C8orf33: variants seen among roughly 807,000 people sequenced by gnomAD.
C8orf33 encodes the protein UPF0488 protein C8orf33.
In C8orf33, 28 loss-of-function variants were observed where a neutral mutation model predicts 25.7. That is an observed-to-expected ratio of 1.09 (90% CI 0.81 to 1.49). The LOEUF (loss-of-function observed/expected upper bound fraction) is 1.49, where lower values mean the gene tolerates loss of function less well. C8orf33 is among the 40% of genes most tolerant of loss of function. The pLI is 0.00. For missense variants in C8orf33, 369 were observed against 294.4 expected, an observed-to-expected ratio of 1.25 and a Z score of -1.85; for synonymous variants, 153 against 115.9, an observed-to-expected ratio of 1.32 and a Z score of -2.06.
At position 145,052,728 on chromosome 8, in the gene C8orf33, G is replaced by T. The variant is rs1258996978; in HGVS notation, c.149G>T (p.Cys50Phe). The change falls in exon 2 of 5, where the codon TGC becomes TTC. Residue 50 changes from cysteine to phenylalanine, a missense_variant. By Grantham distance (205) the Cys-to-Phe change is radical. Coordinates refer to ENST00000331434, the MANE Select transcript of C8orf33 (RefSeq NM_023080.3). ...TGTCTCTGCCCAGAGCAACCTACGT[G>T]CAGTAACGCTGACTCCAGAGCGCAC... ...TVCLCPEQPTCSNADSRAHPL... is the reference protein window; with the variant it reads ...TVCLCPEQPTFSNADSRAHPL... The T allele has an allele frequency of 9.3e-6, 15 of 1,614,088 alleles. No homozygotes were observed. The highest frequency in any genetic ancestry group is 1.3e-5 in the Non-Finnish European group (15 of 1,180,042).
Position 145,052,684 on chromosome 8 carries a change from C to T in C8orf33, c.105C>T (p.Ala35=), listed in dbSNP as rs1192294570. ...GARLPGPVSS[A]RNPSTVCLCP... is the part of the protein sequence containing the mutation. ...GGCTTCCCGGCCCAGTTTCCAGCGC[C>T]CGGAATCCTTCCACTGTCTGTCTCT... Residue 35 remains alanine (A), a synonymous_variant, in exon 2 of 5, where the codon GCC becomes GCT. Coordinates refer to ENST00000331434, the MANE Select transcript of C8orf33 (RefSeq NM_023080.3). The T allele has an allele frequency of 6.2e-7, 1 of 1,613,966 alleles. No individual in the cohort carries two copies. Among genetic ancestry groups the T allele is most frequent in the South Asian group, 1.1e-5 (1 of 91,084 alleles).
At chr8:145,053,997 C>G in intron 4 of C8orf33, 21 bp from the exon 5 acceptor site, 2 of 1,611,994 alleles carry the variant, frequency 1.2e-6, no homozygotes, top group Non-Finnish European at 1.7e-6. Context: ...TTCTGACATA[C>G]GCTGCTTCTC....
rs746473285 is a variant in C8orf33 at position 145,053,998 on chromosome 8, G to A, written c.551-20G>A. Reference sequence around the variant, plus strand: ...TTGTTATTATTCAGTTCTGACATACGCTGCTTCTCTCCCCGACAGCTGCTT... The same window carrying A: ...TTGTTATTATTCAGTTCTGACATACACTGCTTCTCTCCCCGACAGCTGCTT... On this transcript the variant is annotated intron_variant, in intron 4 of 4. Coordinates refer to ENST00000331434, the MANE Select transcript of C8orf33 (RefSeq NM_023080.3). The A allele has an allele frequency of 1.6e-5, 25 of 1,611,920 alleles. No homozygotes were observed. Among genetic ancestry groups the A allele is most frequent in the African/African-American group, 2.7e-5 (2 of 74,830 alleles).
At chr8:145,052,993 C>A in intron 2 of C8orf33, 69 bp from the exon 3 acceptor site, 1 of 1,607,908 alleles carries the variant, frequency 6.2e-7, no homozygotes, top group Non-Finnish European at 8.5e-7. Flanking sequence ...CGGGGAGGGG[C>A]ATGGGATGGG....
chr8:145,053,703 A>G, intron 4 of C8orf33: 2 of 580,208 alleles, frequency 3.4e-6, no homozygotes, highest in East Asian at 2.9e-5. Context: ...GGTTGGGGAA[A>G]GCTGCCTCAT....
Position 145,054,139 on chromosome 8 carries a change from T to C in C8orf33, c.672T>C (p.Phe224=). 1 of 1,614,128 alleles carries C rather than the reference T, an allele frequency of 6.2e-7. No individual in the cohort carries two copies. ...KATLDMPDEE[F]RFNFF is the part of the protein sequence containing the mutation. ...CTCTGGACATGCCTGATGAAGAGTT[T>C]AGGTTCAATTTCTTTTAGCGTCTCC... The change falls in exon 5 of 5, where the codon TTT becomes TTC. Residue 224 remains phenylalanine, a synonymous_variant. Transcript: ENST00000331434.
rs369570684 is a variant in C8orf33 at position 145,053,451 on chromosome 8, G to C, written c.550+8G>C. On this transcript the variant is annotated splice_region_variant and intron_variant, in intron 4 of 4. Coordinates refer to ENST00000331434, the MANE Select transcript of C8orf33 (RefSeq NM_023080.3). ...TGCGGGCTCTCAGAGCTGGTGAGGA[G>C]CTAGCCACTGGTTGATTCAGGAAGG... The C allele has an allele frequency of 6.3e-5, 102 of 1,613,656 alleles. No homozygotes were observed. Among genetic ancestry groups the C allele is most frequent in the Middle Eastern group, 4.9e-4 (3 of 6,076 alleles).
In C8orf33 at chr8:145,056,001, G is replaced by GT. The variant is rs1835361167; in HGVS notation, c.*1845dup. 4.7e-6 allele frequency: 1 copy of GT among 213,618 alleles called. No homozygotes were observed. Among genetic ancestry groups the GT allele is most frequent in the Admixed American group, 6.0e-5 (1 of 16,536 alleles). The allele number at this position is 213,618 out of a possible 1,614,324, so 13.2% of individuals were successfully genotyped here. On this transcript the variant is annotated 3_prime_UTR_variant, in exon 5 of 5. Coordinates refer to ENST00000331434, the MANE Select transcript of C8orf33 (RefSeq NM_023080.3). Reference sequence around the variant, plus strand: ...TGGTCTCCGCGTCTTGGTGGTAGTGGTCCCCCAGGCCCAGGTGTCTTTTCT... The same window carrying GT: ...TGGTCTCCGCGTCTTGGTGGTAGTGGTTCCCCCAGGCCCAGGTGTCTTTTCT...
rs1421806828 is a variant in C8orf33 at position 145,055,019 on chromosome 8, C to G, written c.*862C>G. ...GAGCCCAGCTGCCTACTCAGCATTT[C>G]CACTTGGGTGCTTCATAGGCATTTC... On this transcript the variant is annotated 3_prime_UTR_variant, in exon 5 of 5. Transcript: ENST00000331434. 6.6e-6 allele frequency: 1 copy of G among 152,162 alleles called. No homozygotes were observed. Among genetic ancestry groups the G allele is most frequent in the Non-Finnish European group, 1.5e-5 (1 of 68,038 alleles). 9.4% of individuals were successfully genotyped at this position (152,162 alleles called of 1,614,324 possible).
rs770867748 is a variant in C8orf33, at chr8:145,052,879, C to T, written c.300C>T (p.Pro100=). 5.1e-5 allele frequency: 82 copies of T among 1,612,630 alleles called. No homozygotes were observed. The highest frequency in any genetic ancestry group is 5.8e-5 in the Non-Finnish European group (68 of 1,179,506). The part of the protein sequence containing the change: ...ASEKLAPEEV[P]LSAEAQAQQL... ...AGAAACTCGCCCCAGAAGAAGTTCC[C>T]CTAAGCGCTGAGGCCCAGGCAAGGG... The change falls in exon 2 of 5, where the codon CCC becomes CCT. Residue 100 remains proline (P), a synonymous_variant. Transcript: ENST00000331434.
chr8:145,052,740 A>T lies in C8orf33; in HGVS notation c.161A>T (p.Asp54Val). The T allele has an allele frequency of 2.5e-6, 4 of 1,613,996 alleles. No homozygotes were observed. Among genetic ancestry groups the T allele is most frequent in the Non-Finnish European group, 3.4e-6 (4 of 1,179,972 alleles). ...CPEQPTCSNADSRAHPLGDEG... is the reference protein window; with the variant it reads ...CPEQPTCSNAVSRAHPLGDEG... Reference sequence around the variant, plus strand: ...GAGCAACCTACGTGCAGTAACGCTGACTCCAGAGCGCACCCGTTGGGCGAT... The same window carrying T: ...GAGCAACCTACGTGCAGTAACGCTGTCTCCAGAGCGCACCCGTTGGGCGAT... The change falls in exon 2 of 5, where the codon GAC becomes GTC. Residue 54 changes from aspartate (D) to valine (V), a missense_variant. Coordinates refer to ENST00000331434, the MANE Select transcript of C8orf33 (RefSeq NM_023080.3).
At position 145,054,496 on chromosome 8, in the gene C8orf33, G is replaced by A. The variant is rs139451541; in HGVS notation, c.*339G>A. ...GTGGCTGTTGGTAACAAAGATTAGT[G>A]GAGAAGCTGTATAATCGTACACTGG... On this transcript the variant is annotated 3_prime_UTR_variant, in exon 5 of 5. Coordinates refer to ENST00000331434, the MANE Select transcript of C8orf33 (RefSeq NM_023080.3). The A allele has an allele frequency of 4.7e-6, 1 of 214,142 alleles. No individual in the cohort carries two copies. Among genetic ancestry groups the A allele is most frequent in the Non-Finnish European group, 9.4e-6 (1 of 106,772 alleles). 13.3% of individuals were successfully genotyped at this position (214,142 alleles called of 1,614,324 possible).
rs559667132 is a variant in C8orf33 at position 145,055,497 on chromosome 8, A to G, written c.*1340A>G. The G allele has an allele frequency of 4.1e-5, 7 of 168,996 alleles. No individual in the cohort carries two copies. The South Asian group carries it at 1.1e-3, about 25-fold the overall frequency. 10.5% of individuals were successfully genotyped at this position (168,996 alleles called of 1,614,324 possible). On this transcript the variant is annotated 3_prime_UTR_variant, in exon 5 of 5. Coordinates refer to ENST00000331434, the MANE Select transcript of C8orf33 (RefSeq NM_023080.3). ...CCTGTTGCAAAGTGGACCATGGTCT[A>G]GCAGTAGCATCAGTGTCAAGGAAAA...
chr8:145,054,372 G>C lies in C8orf33; in HGVS notation c.*215G>C, dbSNP rs1010129499. 7.3e-6 allele frequency: 3 copies of C among 411,138 alleles called. No individual in the cohort carries two copies. Among genetic ancestry groups the C allele is most frequent in the African/African-American group, 2.0e-5 (1 of 49,164 alleles). 25.5% of individuals were successfully genotyped at this position (411,138 alleles called of 1,614,324 possible). A position where few individuals can be genotyped will look rare whatever the true frequency, so the allele number is the denominator to read the frequency against. On this transcript the variant is annotated 3_prime_UTR_variant, in exon 5 of 5. Coordinates refer to ENST00000331434, the MANE Select transcript of C8orf33 (RefSeq NM_023080.3). Reference sequence around the variant, plus strand: ...TGATGAAATGTTCTCTCTTTCAGAAGAGAGAGAGAGGTGCATTTAGAAAAT... The same window carrying C: ...TGATGAAATGTTCTCTCTTTCAGAACAGAGAGAGAGGTGCATTTAGAAAAT...
chr8:145,053,852 G>A lies in C8orf33; in HGVS notation c.551-166G>A, dbSNP rs1162008986. ...GTACTAACACCTTTTGCAAACTACTGAACCTCTCTAAGTGGGGGATGATAG... is the reference window on the plus strand; with the variant it reads ...GTACTAACACCTTTTGCAAACTACTAAACCTCTCTAAGTGGGGGATGATAG... On this transcript the variant is annotated intron_variant, in intron 4 of 4. Coordinates refer to ENST00000331434, the MANE Select transcript of C8orf33 (RefSeq NM_023080.3). 3.4e-6 allele frequency: 3 copies of A among 883,608 alleles called. No homozygotes were observed. In the South Asian group the frequency reaches 4.9e-5, roughly 14 times the overall value. 54.7% of individuals were successfully genotyped at this position (883,608 alleles called of 1,614,324 possible). A position where few individuals can be genotyped will look rare whatever the true frequency, so the allele number is the denominator to read the frequency against.
In C8orf33 at chr8:145,054,269, TC is replaced by T; in HGVS notation, c.*115del. ...GTCAGAGAACCCTGGAGTTGGTCTGTCCCTGGCTGGTCCAAGGATTTGTAGC... is the reference window on the plus strand; with the variant it reads ...GTCAGAGAACCCTGGAGTTGGTCTGTCCTGGCTGGTCCAAGGATTTGTAGC... On this transcript the variant is annotated 3_prime_UTR_variant, in exon 5 of 5. Transcript: ENST00000331434. 7.9e-7 allele frequency: 1 copy of T among 1,268,622 alleles called. No homozygotes were observed. The highest frequency in any genetic ancestry group is 1.1e-6 in the Non-Finnish European group (1 of 916,398). 78.6% of individuals were successfully genotyped at this position (1,268,622 alleles called of 1,614,324 possible).
intron 4 of C8orf33, 36 bp downstream of exon 4, chr8:145,053,479 T>C: frequency 6.2e-7 from 1 of 1,608,332 alleles, no homozygotes. Flanking sequence ...CAGGAAGGCC[T>C]AACTTAAGGA....
In C8orf33 at chr8:145,052,795, G is replaced by C; in HGVS notation, c.216G>C (p.Lys72Asn). The C allele has an allele frequency of 6.2e-7, 1 of 1,614,106 alleles. No homozygotes were observed. The highest frequency in any genetic ancestry group is 1.1e-5 in the South Asian group (1 of 91,084). The change falls in exon 2 of 5, where the codon AAG (lysine) becomes AAC (asparagine). Residue 72 changes from lysine (K) to asparagine (N), a missense_variant. Transcript: ENST00000331434. ...GCGGCACAGCGTCGAAAAAACAAAA[G>C]AATAAGAAGAAAACGCGGAACAGGG... ...DEGGTASKKQ[K>N]NKKKTRNRAS...
chr8:145,053,308 A>AT lies in C8orf33; in HGVS notation c.417dup (p.Gly140TrpfsTer28), dbSNP rs773215659. ...ATTTTTATTCGCAGAAGAGCAGGCT[A>AT]TTGGAGCAATCCGAACCCTGCGCAG... is the stretch of plus-strand genomic sequence containing the variant. On this transcript the variant is annotated frameshift_variant, in exon 4 of 5. Coordinates refer to ENST00000331434, the MANE Select transcript of C8orf33 (RefSeq NM_023080.3). LOFTEE classifies it high-confidence loss of function. The AT allele has an allele frequency of 3.1e-6, 5 of 1,614,156 alleles. No homozygotes were observed. In the South Asian group the frequency reaches 5.5e-5, roughly 18 times the overall value.
Sources: gnomAD v4.1 joint callset for allele counts on GRCh38, gnomAD v4.1.1 for gene constraint, MANE v1.5 for transcripts, NCBI Gene and HGNC (gene_info 2026-07-23, HGNC 2026-07-21) for gene names.